The following TXK variants were observed in gnomAD, a reference collection of about 807,000 sequenced individuals.
The protein encoded by TXK is tyrosine-protein kinase TXK.
In TXK, 60 loss-of-function variants were observed where a neutral mutation model predicts 81.0. The observed-to-expected ratio is 0.74, with a 90% CI of 0.60 to 0.92. The LOEUF (loss-of-function observed/expected upper bound fraction) is 0.92, where lower values mean the gene tolerates loss of function less well. TXK is among the 40% of genes least tolerant of loss of function. The pLI, the probability that TXK is intolerant of heterozygous loss-of-function variation, is 0.00. For synonymous variants in TXK, 203 were observed against 210.7 expected (o/e 0.96, Z 0.32); for missense variants, 581 against 638.3 (o/e 0.91, Z 0.97).
In TXK at chr4:48,067,324, G is replaced by C. The variant is rs892663882; in HGVS notation, c.*313C>G. The C allele has an allele frequency of 3.0e-5, 8 of 263,742 alleles. No individual in the cohort carries two copies. The highest frequency in any genetic ancestry group is 1.6e-4 in the African/African-American group (7 of 45,006). 16.3% of individuals were successfully genotyped at this position (263,742 alleles called of 1,614,324 possible). A position where few individuals can be genotyped will look rare whatever the true frequency, so the allele number is the denominator to read the frequency against. ...AGCCTTGTGAAGAAGAACCTCAAGG[G>C]TTCCTGGGGCTATGATCATGAAGAG... On this transcript the variant is annotated 3_prime_UTR_variant, in exon 15 of 15. Transcript: ENST00000264316.
intron 4 of TXK, among the ~76,000 whole-genome samples, chr4:48,112,013 A>C (rs886979041): frequency 6.6e-6 from 1 of 152,260 alleles, no homozygotes; most frequent in Non-Finnish European, 1.5e-5. Context: ...ATAAGAACCT[A>C]CATTGTCAGA....
chr4:48,086,308 A>G (rs1192800901), intron 10 of TXK, among the ~76,000 whole-genome samples, 158 bp downstream of exon 10: 1 of 152,216 alleles, frequency 6.6e-6, no homozygotes, highest in African/African-American at 2.4e-5. Context: ...GAAATAATTC[A>G]CCCAGGTCAC....
intron 11 of TXK, 96 bp downstream of exon 11, chr4:48,079,816 C>A: frequency 1.1e-6 from 1 of 886,776 alleles, no homozygotes; most frequent in Non-Finnish European, 1.8e-6. Context: ...AAAATTAAAT[C>A]AAGGACACAT....
At chr4:48,076,361 A>G in intron 12 of TXK, 41 bp downstream of exon 12, 1 of 1,390,776 alleles carries the variant, frequency 7.2e-7, no homozygotes, top group Non-Finnish European at 9.9e-7. Flanking sequence ...CTTATGAGTA[A>G]ACAAACAAAC....
chr4:48,107,253 C>G (rs1259944618), intron 5 of TXK, among the ~76,000 whole-genome samples: 1 of 151,488 alleles, frequency 6.6e-6, no homozygotes, highest in Non-Finnish European at 1.5e-5. Context: ...TTTCTGAAAA[C>G]TAGGTTTTTC....
At chr4:48,104,850 T>C in intron 6 of TXK, 51 bp downstream of exon 6, 1 of 1,434,596 alleles carries the variant, frequency 7.0e-7, no homozygotes, top group Non-Finnish European at 9.6e-7. Flanking sequence ...TTAAAGTCTT[T>C]ATAAGTACTT....
rs1717238099 is a variant in TXK at position 48,080,087 on chromosome 4, C to G, written c.998G>C (p.Cys333Ser). 1.2e-6 allele frequency: 2 copies of G among 1,613,928 alleles called. No individual in the cohort carries two copies. The highest frequency in any genetic ancestry group is 1.7e-6 in the Non-Finnish European group (2 of 1,179,970). The change falls in exon 11 of 15, where the codon TGT becomes TCT. Residue 333 changes from cysteine (C) to serine (S), a missense_variant. Coordinates refer to ENST00000264316, the MANE Select transcript of TXK (RefSeq NM_003328.3). Reference sequence around the variant, plus strand: ...AATGTAAAGGGGCTTCCGCTGTATACAGACTCCATAAAGTTGCACTAGCTT... The same window carrying G: ...AATGTAAAGGGGCTTCCGCTGTATAGAGACTCCATAAAGTTGCACTAGCTT... ...HSKLVQLYGVCIQRKPLYIVT... is the reference protein window; with the variant it reads ...HSKLVQLYGVSIQRKPLYIVT...
chr4:48,080,662 T>TCACACACACACACA (rs57819050), intron 10 of TXK, among the ~76,000 whole-genome samples: 83 of 144,574 alleles, frequency 5.7e-4, no homozygotes, highest in Middle Eastern at 3.5e-3. Flanking sequence ...TATTTGGTAA[T>TCACACACACACACA]CACACACACA....
At chr4:48,099,204 G>A (rs1007201) in intron 6 of TXK, among the ~76,000 whole-genome samples, 5,265 of 152,022 alleles carry the variant, frequency 0.035, 294 homozygotes, top group African/African-American at 0.12. Context: ...TTAATTCACA[G>A]AAATAAAAAG....
At position 48,073,805 on chromosome 4, in the gene TXK, AC is replaced by A. The variant is rs984522915; in HGVS notation, c.1357+129del. ...GACAGTCGGGATGTGGTTAGAACACACAGAAGGAAGCACAATTACAAGAAGA... is the reference window on the plus strand; with the variant it reads ...GACAGTCGGGATGTGGTTAGAACACAAGAAGGAAGCACAATTACAAGAAGA... On this transcript the variant is annotated intron_variant, in intron 13 of 14. Coordinates refer to ENST00000264316, the MANE Select transcript of TXK (RefSeq NM_003328.3). The A allele has an allele frequency of 9.3e-6, 6 of 648,020 alleles. No individual in the cohort carries two copies. The African/African-American group carries it at 1.1e-4, about 12-fold the overall frequency. The allele number at this position is 648,020 out of a possible 1,614,324, so 40.1% of individuals were successfully genotyped here.
At chr4:48,114,277 G>T in intron 2 of TXK, 71 bp downstream of exon 2, 1 of 1,494,258 alleles carries the variant, frequency 6.7e-7, no homozygotes, top group Non-Finnish European at 9.3e-7. Context: ...AAAGAGACAT[G>T]GTGACTCCAC....
At chr4:48,084,351 C>T (rs1024158119) in intron 10 of TXK, among the ~76,000 whole-genome samples, 5 of 152,000 alleles carry the variant, frequency 3.3e-5, no homozygotes, top group Admixed American at 2.0e-4. Context: ...ATGTTAGCCT[C>T]CCAGAATGAA....
chr4:48,073,941 A>G lies in TXK; in HGVS notation c.1351T>C (p.Ser451Pro). Residue 451 changes from serine (S) to proline (P), a missense_variant, in exon 13 of 15, where the codon TCA becomes CCA. By Grantham distance (74) the Ser-to-Pro change is moderately conservative (BLOSUM62 -1). Transcript: ENST00000264316. ...GAACATCAGATGCACTCACCAAATG[A>G]CCAGACATCAGATTTACTGCTGTAC... The part of the protein sequence containing the change: ...NKYSSKSDVW[S>P]FGVLMWEVFT... 6.3e-7 allele frequency: 1 copy of G among 1,598,856 alleles called. No individual in the cohort carries two copies. The highest frequency in any genetic ancestry group is 8.6e-7 in the Non-Finnish European group (1 of 1,167,572).
chr4:48,086,351 A>G, intron 10 of TXK, 115 bp downstream of exon 10: 2 of 1,059,236 alleles, frequency 1.9e-6, no homozygotes, highest in Admixed American at 2.0e-5. Context: ...GGGTTACACA[A>G]TGAGCTTGAG....
intron 8 of TXK, among the ~76,000 whole-genome samples, chr4:48,090,212 A>T (rs1717711619): frequency 6.6e-6 from 1 of 152,232 alleles, no homozygotes; most frequent in African/African-American, 2.4e-5. Flanking sequence ...CGTAATTGAT[A>T]TATGTCATTG....
chr4:48,133,840 C>T (rs1340950782), intron 1 of TXK, among the ~76,000 whole-genome samples: 1 of 152,124 alleles, frequency 6.6e-6, no homozygotes, highest in African/African-American at 2.4e-5. Context: ...GGCCTTCAGC[C>T]CAGAGCTCAT....
At chr4:48,120,125 A>G (rs1054689396) in intron 1 of TXK, among the ~76,000 whole-genome samples, 1 of 146,120 alleles carries the variant, frequency 6.8e-6, no homozygotes, top group African/African-American at 2.5e-5. Context: ...ACACATACAT[A>G]TGTATATACA....
intron 8 of TXK, among the ~76,000 whole-genome samples, chr4:48,090,651 T>C (rs1365245248): frequency 6.6e-6 from 1 of 152,206 alleles, no homozygotes; most frequent in Non-Finnish European, 1.5e-5. Flanking sequence ...TAAAACACTA[T>C]CTAGATGTTG....
At chr4:48,117,520 G>A (rs1300530318) in intron 1 of TXK, among the ~76,000 whole-genome samples, 6 of 152,130 alleles carry the variant, frequency 3.9e-5, no homozygotes, top group Non-Finnish European at 5.9e-5. Flanking sequence ...AGTAGTACAA[G>A]GAATCCCATA....
Sources: allele counts gnomAD v4.1 joint callset (sites outside exome capture counted in the v4.1 genomes callset), GRCh38; gene constraint gnomAD v4.1.1; transcripts MANE v1.5; gene names NCBI Gene and HGNC (gene_info 2026-07-23, HGNC 2026-07-21).